Variants in TTC27 observed in about 807,000 individuals in gnomAD.
TTC27 encodes tetratricopeptide repeat protein 27.
TTC27 carries 79 observed loss-of-function variants against 115.9 expected under a neutral mutation model. That is an observed-to-expected ratio of 0.68 (90% CI 0.57 to 0.82). The LOEUF (loss-of-function observed/expected upper bound fraction) is 0.82, where lower values mean the gene tolerates loss of function less well. Among genes scored for constraint, TTC27 ranks in the 40% least tolerant of loss-of-function variants. TTC27 has a pLI of 0.00. For missense variants in TTC27, 1,054 were observed against 993.1 expected (o/e 1.06, Z -0.82); for synonymous variants, 401 against 356.0 (o/e 1.13, Z -1.42).
chr2:32,672,936 C>G (rs917818218), intron 8 of TTC27, among the ~76,000 whole-genome samples: 4 of 152,144 alleles, frequency 2.6e-5, no homozygotes, highest in African/African-American at 9.7e-5. Flanking sequence ...ATACAGCTAT[C>G]AAAATCAGAA....
At chr2:32,687,619 C>A (rs1476507437) in intron 9 of TTC27, among the ~76,000 whole-genome samples, 1 of 152,042 alleles carries the variant, frequency 6.6e-6, no homozygotes, top group Non-Finnish European at 1.5e-5. Context: ...AAAATATTAT[C>A]CCATGAAAAC....
chr2:32,820,786 A>C (rs1279985867), intron 19 of TTC27, 30 bp from the exon 20 acceptor site: 1 of 1,504,656 alleles, frequency 6.6e-7, no homozygotes, highest in East Asian at 2.5e-5. Context: ...GTGTTGTTTT[A>C]ATACTTCTGC....
At chr2:32,789,060 A>T (rs971113747) in intron 16 of TTC27, among the ~76,000 whole-genome samples, 5 of 152,178 alleles carry the variant, frequency 3.3e-5, no homozygotes, top group African/African-American at 1.2e-4. Context: ...CTCTGGATGG[A>T]TGGATGGATC....
intron 16 of TTC27, among the ~76,000 whole-genome samples, chr2:32,803,534 C>T (rs1201314881): frequency 6.6e-6 from 1 of 152,230 alleles, no homozygotes; most frequent in Non-Finnish European, 1.5e-5. Flanking sequence ...CCACTTCTGT[C>T]TCCCCAGGGT....
At chr2:32,663,636 T>TTATG (rs70938357) in intron 5 of TTC27, among the ~76,000 whole-genome samples, 2,865 of 146,494 alleles carry the variant, frequency 0.02, 25 homozygotes, top group Middle Eastern at 0.027. Flanking sequence ...CACCCCCTAT[T>TTATG]TATGTATGTA....
chr2:32,710,424 T>G (rs1340732993), intron 10 of TTC27, among the ~76,000 whole-genome samples: 2 of 139,464 alleles, frequency 1.4e-5, no homozygotes, highest in Non-Finnish European at 3.0e-5. Flanking sequence ...TATAAGTATA[T>G]AGCTTTTTTT....
At chr2:32,759,621 C>T (rs773519280) in intron 13 of TTC27, among the ~76,000 whole-genome samples, 27 of 152,138 alleles carry the variant, frequency 1.8e-4, no homozygotes, top group Non-Finnish European at 3.5e-4. Flanking sequence ...AATGAAAGTA[C>T]AGTTCAATAG....
At chr2:32,716,686 T>G (rs796665997) in intron 10 of TTC27, among the ~76,000 whole-genome samples, 17 of 152,168 alleles carry the variant, frequency 1.1e-4, no homozygotes, top group African/African-American at 3.9e-4. Context: ...GTATGTTTGT[T>G]CTATATGTTT....
chr2:32,674,949 A>G (rs535704282), intron 8 of TTC27, among the ~76,000 whole-genome samples: 2 of 152,168 alleles, frequency 1.3e-5, no homozygotes, highest in African/African-American at 4.8e-5. Context: ...GGCGTGAGCC[A>G]CCGCACTTGG....
intron 9 of TTC27, among the ~76,000 whole-genome samples, chr2:32,696,372 C>T (rs1666990566): frequency 6.6e-6 from 1 of 151,806 alleles, no homozygotes; most frequent in Non-Finnish European, 1.5e-5. Context: ...TCACTGCAAC[C>T]TCCACCTCCT....
intron 9 of TTC27, among the ~76,000 whole-genome samples, chr2:32,683,720 C>T (rs1004313238): frequency 3.0e-4 from 46 of 152,318 alleles, no homozygotes; most frequent in Non-Finnish European, 4.9e-4. Context: ...AGCTTGATAA[C>T]TTAAAATTAG....
chr2:32,758,054 T>C (rs1205574161), intron 12 of TTC27, among the ~76,000 whole-genome samples: 1 of 152,202 alleles, frequency 6.6e-6, no homozygotes, highest in Admixed American at 6.5e-5. Context: ...CTTGCTTTAT[T>C]GCAGTATTCA....
At chr2:32,757,007 A>G (rs1355530267) in intron 12 of TTC27, among the ~76,000 whole-genome samples, 1 of 152,176 alleles carries the variant, frequency 6.6e-6, no homozygotes, top group African/African-American at 2.4e-5. Context: ...TGTGCAATGT[A>G]TTGAGGATGA....
intron 13 of TTC27, among the ~76,000 whole-genome samples, chr2:32,763,693 A>G (rs1170170989): frequency 1.3e-5 from 2 of 152,236 alleles, no homozygotes; most frequent in African/African-American, 4.8e-5. Flanking sequence ...GAGATGCAAA[A>G]CTAAATACAT....
At chr2:32,790,456 A>T (rs781011358) in intron 16 of TTC27, among the ~76,000 whole-genome samples, 6 of 151,948 alleles carry the variant, frequency 3.9e-5, no homozygotes, top group Non-Finnish European at 7.4e-5. Context: ...TAATTGGCAA[A>T]CTCTAATTGT....
intron 12 of TTC27, among the ~76,000 whole-genome samples, chr2:32,744,258 A>G (rs1200298127): frequency 6.6e-6 from 1 of 152,128 alleles, no homozygotes; most frequent in East Asian, 1.9e-4. Context: ...CCTTTCTGAG[A>G]TTTTTAGGAC....
In TTC27 at chr2:32,790,628, G is replaced by C. The variant is rs1003686386; in HGVS notation, c.1998+3479G>C. On this transcript the variant is annotated intron_variant, in intron 16 of 19. Coordinates refer to ENST00000317907, the MANE Select transcript of TTC27 (RefSeq NM_017735.5). ...TTTGAAATATACATTATCATTGACT[G>C]TAGTCACTATGCTGTGCAGAAGATC... Among the ~76,000 whole-genome samples the C allele has an allele frequency of 5.3e-5, 8 of 152,174 alleles. No homozygotes were observed. In the East Asian group the frequency reaches 1.4e-3, roughly 26 times the overall value.
At chr2:32,783,028 A>G (rs1289298860) in intron 15 of TTC27, among the ~76,000 whole-genome samples, 2 of 152,286 alleles carry the variant, frequency 1.3e-5, no homozygotes, top group East Asian at 3.9e-4. Flanking sequence ...CTTGCTTTGT[A>G]CTAGACATTA....
chr2:32,736,911 T>C (rs1189350467), intron 12 of TTC27, 95 bp downstream of exon 12: 3 of 1,409,046 alleles, frequency 2.1e-6, no homozygotes, highest in Non-Finnish European at 2.8e-6. Context: ...TTTGCCAATA[T>C]TCACTTATAT....
Sources: allele counts gnomAD v4.1 joint callset (sites outside exome capture counted in the v4.1 genomes callset), GRCh38; gene constraint gnomAD v4.1.1; transcripts MANE v1.5; gene names NCBI Gene and HGNC (gene_info 2026-07-23, HGNC 2026-07-21).